SORCS2: variants seen among roughly 807,000 people sequenced by gnomAD.
The protein encoded by SORCS2 is VPS10 domain-containing receptor SorCS2.
In SORCS2, 100 loss-of-function variants were observed where a neutral mutation model predicts 141.6. That is an observed-to-expected ratio of 0.71 (90% CI 0.60 to 0.83). The LOEUF (loss-of-function observed/expected upper bound fraction) is 0.83. Among genes scored for constraint, SORCS2 ranks in the 40% least tolerant of loss-of-function variants. The pLI is 0.00. For synonymous variants in SORCS2, 789 were observed against 676.9 expected (o/e 1.17, Z -2.57); for missense variants, 1,646 against 1,560.2 (o/e 1.05, Z -0.93).
intron 1 of SORCS2, among the ~76,000 whole-genome samples, chr4:7,203,612 TA>T (rs112822814): frequency 6.7e-6 from 1 of 149,228 alleles, no homozygotes; most frequent in Non-Finnish European, 1.5e-5. Flanking sequence ...AGACTCTGCC[TA>T]AAAAAAAATT....
At chr4:7,216,778 G>A (rs1728378399) in intron 1 of SORCS2, among the ~76,000 whole-genome samples, 1 of 152,134 alleles carries the variant, frequency 6.6e-6, no homozygotes, top group African/African-American at 2.4e-5. Context: ...GTTTCTACAA[G>A]GGAACCCATG....
At chr4:7,465,452 C>T (rs1013411152) in intron 2 of SORCS2, among the ~76,000 whole-genome samples, 5 of 152,098 alleles carry the variant, frequency 3.3e-5, no homozygotes, top group African/African-American at 1.2e-4. Flanking sequence ...CTGGAGGTGA[C>T]AGGCTTCCCT....
chr4:7,277,596 G>C (rs908509390), intron 1 of SORCS2, among the ~76,000 whole-genome samples: 3 of 152,144 alleles, frequency 2.0e-5, no homozygotes, highest in Non-Finnish European at 2.9e-5. Context: ...GAAAGTCAGG[G>C]GGAGAGATGA....
chr4:7,552,689 G>A (rs1713803692), intron 3 of SORCS2, among the ~76,000 whole-genome samples: 2 of 152,068 alleles, frequency 1.3e-5, no homozygotes, highest in African/African-American at 4.8e-5. Context: ...AGTGGGGTGG[G>A]CATCTCCTCA....
At position 7,737,079 on chromosome 4, in the gene SORCS2, G is replaced by A; in HGVS notation, c.3322G>A (p.Gly1108Ser). ...GCCTCTGTCCAGCAGGAAACGGCCA[G>A]GCAGGACCGTGTACGCCCAAATGCA... ...ILYKFKRKRP[G>S]RTVYAQMHNE... is the part of the protein sequence containing the mutation. The change falls in exon 26 of 27, where the codon GGC becomes AGC. Residue 1108 changes from glycine (G) to serine (S), a missense_variant. By Grantham distance (56) the Gly-to-Ser change is moderately conservative (BLOSUM62 0). Coordinates refer to ENST00000507866, the MANE Select transcript of SORCS2 (RefSeq NM_020777.3). 1.3e-6 allele frequency: 2 copies of A among 1,551,284 alleles called. No homozygotes were observed. The highest frequency in any genetic ancestry group is 4.9e-5 in the East Asian group (2 of 40,904).
In SORCS2 at chr4:7,648,645, G is replaced by T. The variant is rs1721240588; in HGVS notation, c.814-5489G>T. On this transcript the variant is annotated intron_variant, in intron 4 of 26. Transcript: ENST00000507866. This position sits in a 1 kb window ranked among gnomAD's most constrained non-coding sequence, Gnocchi z 4.2. The stretch of plus-strand genomic sequence containing the variant: ...AAGCTGCTGGGTCTACTGAGGGCGG[G>T]CGGGGAGTGAGGGGGCTGCCAAGCG... 6.6e-6 allele frequency among the ~76,000 whole-genome samples: 1 copy of T among 152,138 alleles called. No individual in the cohort carries two copies. The highest frequency in any genetic ancestry group is 2.4e-5 in the African/African-American group (1 of 41,410).
intron 3 of SORCS2, among the ~76,000 whole-genome samples, chr4:7,547,034 A>C (rs1713313557): frequency 6.6e-6 from 1 of 152,004 alleles, no homozygotes; most frequent in African/African-American, 2.4e-5. Flanking sequence ...TTTTTTAACA[A>C]CCCCTGCTTT....
intron 1 of SORCS2, among the ~76,000 whole-genome samples, chr4:7,224,030 G>A (rs1475863176): frequency 6.6e-6 from 1 of 152,230 alleles, no homozygotes; most frequent in Non-Finnish European, 1.5e-5. Context: ...TGCAGAGAGG[G>A]TGGGGCTGCT....
In SORCS2 at chr4:7,723,819, C is replaced by A. The variant is rs747034442; in HGVS notation, c.2547C>A (p.Arg849=). ...RHRYESPGIY[R]VSVRAENTAG... ...GCTACGAGAGCCCCGGCATCTACCG[C>A]GTGTCCGTCAGGGCAGAGAACACGG... The change falls in exon 19 of 27, where the codon CGC becomes CGA. Residue 849 remains arginine (R), a synonymous_variant. Transcript: ENST00000507866. The A allele has an allele frequency of 1.9e-6, 3 of 1,613,526 alleles. No individual in the cohort carries two copies. The highest frequency in any genetic ancestry group is 2.5e-6 in the Non-Finnish European group (3 of 1,179,892).
intron 1 of SORCS2, among the ~76,000 whole-genome samples, chr4:7,386,656 T>C (rs1406258480): frequency 7.3e-6 from 1 of 136,328 alleles, no homozygotes; most frequent in Non-Finnish European, 1.6e-5. Context: ...TACACAGAAA[T>C]ACATGCACAC....
chr4:7,426,665 C>T (rs192428550), intron 2 of SORCS2, among the ~76,000 whole-genome samples: 5 of 152,220 alleles, frequency 3.3e-5, no homozygotes, highest in African/African-American at 7.2e-5. Flanking sequence ...GTGCTCGATG[C>T]GGTCACCTCA....
chr4:7,388,038 GCA>G (rs777937858), intron 1 of SORCS2, among the ~76,000 whole-genome samples: 40 of 104,876 alleles, frequency 3.8e-4, no homozygotes, highest in South Asian at 2.4e-3. Flanking sequence ...ACGCACACAT[GCA>G]CACACACATG....
At chr4:7,198,921 C>T (rs770228545) in intron 1 of SORCS2, among the ~76,000 whole-genome samples, 2 of 152,094 alleles carry the variant, frequency 1.3e-5, no homozygotes, top group Admixed American at 6.5e-5. Context: ...CCCAGTCACT[C>T]GACACTCAGA....
chr4:7,444,806 C>T (rs1287465584), intron 2 of SORCS2, among the ~76,000 whole-genome samples: 1 of 152,236 alleles, frequency 6.6e-6, no homozygotes, highest in Non-Finnish European at 1.5e-5. Flanking sequence ...AGGTGACAGG[C>T]TGCAGATTCA....
At chr4:7,393,175 C>T (rs1040226194) in intron 1 of SORCS2, among the ~76,000 whole-genome samples, 3 of 152,200 alleles carry the variant, frequency 2.0e-5, no homozygotes, top group South Asian at 2.1e-4. Context: ...CTTCTTTCCT[C>T]GTCTGTTGCT....
At position 7,406,454 on chromosome 4, in the gene SORCS2, T is replaced by C. The variant is rs1310036932; in HGVS notation, c.548+10099T>C. The stretch of plus-strand genomic sequence containing the variant: ...ATTGAGGTTTTCTGTTTTCTCATGG[T>C]TCAATCTTGGTGGGTTGTATGTGTC... On this transcript the variant is annotated intron_variant, in intron 2 of 26. Transcript: ENST00000507866. Among the ~76,000 whole-genome samples, 3 of 151,784 alleles carry C rather than the reference T, an allele frequency of 2.0e-5. No homozygotes were observed. In the East Asian group the frequency reaches 5.8e-4, roughly 29 times the overall value.
chr4:7,552,824 G>T (rs1396534347), intron 3 of SORCS2, among the ~76,000 whole-genome samples: 2 of 152,180 alleles, frequency 1.3e-5, no homozygotes, highest in Non-Finnish European at 2.9e-5. Flanking sequence ...GAGGAATCAG[G>T]GTGTGGAGGG....
chr4:7,678,062 C>T (rs1257158814), intron 9 of SORCS2, among the ~76,000 whole-genome samples: 2 of 152,210 alleles, frequency 1.3e-5, no homozygotes, highest in African/African-American at 2.4e-5. Context: ...GGTCCCTGCC[C>T]TCGGGACACA....
rs1329626385 is a variant in SORCS2, at chr4:7,192,699, G to T, written c.53G>T (p.Arg18Leu). 3.2e-5 allele frequency: 32 copies of T among 988,956 alleles called. No homozygotes were observed. The highest frequency in any genetic ancestry group is 6.2e-5 in the Admixed American group (1 of 16,078). The allele number at this position is 988,956 out of a possible 1,614,324, so 61.3% of individuals were successfully genotyped here. A position where few individuals can be genotyped will look rare whatever the true frequency, so the allele number is the denominator to read the frequency against. ...TCGAAGGGCCCCGGCCCCACCGCCCGAGCCCCGAGCCCCGGGGCTCCGCCG... is the reference window on the plus strand; with the variant it reads ...TCGAAGGGCCCCGGCCCCACCGCCCTAGCCCCGAGCCCCGGGGCTCCGCCG... ...RASKGPGPTA[R>L]APSPGAPPPP... The change falls in exon 1 of 27, where the codon CGA (arginine) becomes CTA (leucine). Residue 18 changes from arginine (R) to leucine (L), a missense_variant. By Grantham distance (102) the Arg-to-Leu change is moderately radical. Transcript: ENST00000507866. The surrounding 1 kb of genome is among the most constrained non-coding windows in gnomAD (Gnocchi z 4.0).
Sources: allele counts gnomAD v4.1 joint callset (sites outside exome capture counted in the v4.1 genomes callset), GRCh38; gene constraint gnomAD v4.1.1; non-coding constraint Gnocchi (gnomAD v3.1); transcripts MANE v1.5; gene names NCBI Gene and HGNC (gene_info 2026-07-23, HGNC 2026-07-21).